Variants in CAPN14 observed in about 807,000 individuals in gnomAD.
CAPN14 encodes calpain 14.
In CAPN14, 94 loss-of-function variants were observed where a neutral mutation model predicts 101.3. The ratio of observed to expected loss-of-function variants is 0.93; its 90% CI spans 0.79 to 1.10. The LOEUF (loss-of-function observed/expected upper bound fraction) is 1.10, where lower values mean the gene tolerates loss of function less well. Among genes scored for constraint, CAPN14 ranks in the 50% least tolerant of loss-of-function variants. The probability of loss-of-function intolerance (pLI) is 0.00; values close to 1 mark genes in which losing one functional copy is unlikely to be tolerated. For synonymous variants in CAPN14, 338 were observed against 317.9 expected (o/e 1.06, Z -0.67); for missense variants, 837 against 828.4 (o/e 1.01, Z -0.13).
At position 31,193,207 on chromosome 2, in the gene CAPN14, C is replaced by T. The variant is rs1015423457; in HGVS notation, c.1038G>A (p.Gln346=). 2 of 1,551,608 alleles carry T rather than the reference C, an allele frequency of 1.3e-6. No individual in the cohort carries two copies. Among genetic ancestry groups the T allele is most frequent in the Admixed American group, 3.9e-5 (2 of 50,998 alleles). ...CCTCCCGCATGGTGTACGTCCACTT[C>T]TGGGCCGCCTCCTGGCTCAACAGGC... ...TPGLLSQEAA[Q]KWTYTMREGR... Residue 346 remains glutamine (Q), a synonymous_variant, in exon 10 of 22, where the codon CAG becomes CAA. Transcript: ENST00000403897.
chr2:31,189,139 T>C (rs1681052294), intron 13 of CAPN14, 134 bp downstream of exon 13: 2 of 751,214 alleles, frequency 2.7e-6, no homozygotes. Flanking sequence ...GAAAGTCACC[T>C]GGTCTCCTGC....
chr2:31,191,859 G>C (rs1033723856), intron 11 of CAPN14, 76 bp downstream of exon 11: 1 of 1,345,834 alleles, frequency 7.4e-7, no homozygotes, highest in African/African-American at 1.5e-5. Flanking sequence ...AAGAAGACAG[G>C]AAACAGGAAG....
intron 17 of CAPN14, 109 bp downstream of exon 17, chr2:31,180,827 A>G: frequency 1.1e-6 from 1 of 913,014 alleles, no homozygotes. Flanking sequence ...CTTGTCCAGG[A>G]TCCCACAATT....
intron 2 of CAPN14, among the ~76,000 whole-genome samples, chr2:31,203,698 G>T (rs1430391444): frequency 6.6e-6 from 1 of 152,166 alleles, no homozygotes; most frequent in Non-Finnish European, 1.5e-5. Context: ...TCTGAGAGAA[G>T]TAGGATCTTG....
chr2:31,229,868 A>G lies in CAPN14; in HGVS notation c.-176-3217T>C, dbSNP rs567817410. ...TAAAAACTTCAATGCACACATATGC[A>G]TCCATGAACAACAGATAGTGGTTTT... On this transcript the variant is annotated intron_variant and NMD_transcript_variant, in intron 1 of 21. Transcript: ENST00000398824. Among the ~76,000 whole-genome samples, 19 of 152,274 alleles carry G rather than the reference A, an allele frequency of 1.2e-4. No homozygotes were observed. In the South Asian group the frequency reaches 3.7e-3, roughly 30 times the overall value.
intron 8 of CAPN14, among the ~76,000 whole-genome samples, chr2:31,195,976 G>A (rs1681451981): frequency 3.3e-5 from 5 of 152,122 alleles, no homozygotes. Context: ...GTAGAAATGA[G>A]AGAGATGATA....
rs1680331438 is a variant in CAPN14, at chr2:31,177,017, C to T, written c.1972+9G>A. 6.5e-7 allele frequency: 1 copy of T among 1,546,124 alleles called. No individual in the cohort carries two copies. The highest frequency in any genetic ancestry group is 8.8e-7 in the Non-Finnish European group (1 of 1,142,410). On this transcript the variant is annotated intron_variant, in intron 20 of 21. Transcript: ENST00000403897. The stretch of plus-strand genomic sequence containing the variant: ...AGACCTGGCCCTCCCCAGCTTCCCG[C>T]CAGCTTACCCTCCATGTTCTCTACA...
At chr2:31,194,601 C>G (rs1302256268) in intron 8 of CAPN14, 118 bp from the exon 9 acceptor site, 1 of 699,574 alleles carries the variant, frequency 1.4e-6, no homozygotes, top group African/African-American at 1.8e-5. Context: ...AACTAAATTT[C>G]CCATTCCATA....
Position 31,186,462 on chromosome 2 carries a change from T to C in CAPN14, c.1611A>G (p.Gln537=), listed in dbSNP as rs371139161. 1,197 of 1,549,760 alleles carry C rather than the reference T, an allele frequency of 7.7e-4. 4 individuals are homozygous for C. The highest frequency in any genetic ancestry group is 9.6e-4 in the Non-Finnish European group (1,101 of 1,146,320). The change falls in exon 16 of 22, where the codon CAA becomes CAG. Residue 537 remains glutamine (Q), a synonymous_variant. Transcript: ENST00000403897. The part of the protein sequence containing the change: ...FEKHPEINAV[Q]LQNLLNQMTW... The stretch of plus-strand genomic sequence containing the variant: ...TCATCTGGTTCAGGAGGTTCTGAAG[T>C]TGAACTGCATTAATCTCTGGATGCT...
chr2:31,200,897 C>A (rs2148689446), intron 5 of CAPN14, among the ~76,000 whole-genome samples: 1 of 152,280 alleles, frequency 6.6e-6, no homozygotes, highest in African/African-American at 2.4e-5. Context: ...CAGACGTTTG[C>A]CTGAGAACTT....
chr2:31,199,135 G>C (rs932670115), intron 7 of CAPN14, among the ~76,000 whole-genome samples: 1 of 152,206 alleles, frequency 6.6e-6, no homozygotes, highest in Admixed American at 6.5e-5. Context: ...GTGTCAGAGA[G>C]GAGTAGAAAT....
chr2:31,219,968 C>T (rs1001305484), upstream of CAPN14, among the ~76,000 whole-genome samples: 2 of 152,194 alleles, frequency 1.3e-5, no homozygotes, highest in Admixed American at 6.5e-5. Flanking sequence ...TCTGCCTCTC[C>T]CACAAACCTA....
intron 1 of CAPN14, among the ~76,000 whole-genome samples, chr2:31,210,101 T>C (rs78675427): frequency 0.044 from 6,647 of 152,236 alleles, 160 homozygotes; most frequent in African/African-American, 0.059. Flanking sequence ...AGTGAAAACA[T>C]TGACTCTCAC....
At chr2:31,202,326 A>C in intron 3 of CAPN14, 74 bp from the exon 4 acceptor site, 1 of 1,106,670 alleles carries the variant, frequency 9.0e-7, no homozygotes, top group Non-Finnish European at 1.3e-6. Flanking sequence ...CCCGGTCCCA[A>C]TGGCCACCCT....
chr2:31,220,102 T>C (rs1487979396), upstream of CAPN14, among the ~76,000 whole-genome samples: 1 of 152,200 alleles, frequency 6.6e-6, no homozygotes. Flanking sequence ...TCCAAGTCCT[T>C]AACCTCACCA....
Position 31,180,018 on chromosome 2 carries a change from A to AT in CAPN14, c.1710+917dup, listed in dbSNP as rs987821973. Among the ~76,000 whole-genome samples, 3 of 152,268 alleles carry AT rather than the reference A, an allele frequency of 2.0e-5. No homozygotes were observed. In the East Asian group the frequency reaches 5.8e-4, roughly 29 times the overall value. ...CACAGTGGCTAATGATGCCTTTTAC[A>AT]TTTTTTTAAGTTTAATGGTTGGCTT... is the stretch of plus-strand genomic sequence containing the variant. On this transcript the variant is annotated intron_variant, in intron 17 of 21. Transcript: ENST00000403897.
At chr2:31,214,134 T>C (rs564465230) in intron 1 of CAPN14, among the ~76,000 whole-genome samples, 1 of 152,344 alleles carries the variant, frequency 6.6e-6, no homozygotes, top group East Asian at 1.9e-4. Flanking sequence ...ATTCATGATA[T>C]AGTCACATAA....
chr2:31,191,494 C>G (rs1286584229), intron 11 of CAPN14, 87 bp from the exon 12 acceptor site: 1 of 1,339,300 alleles, frequency 7.5e-7, no homozygotes, highest in Non-Finnish European at 1.0e-6. Context: ...TTTCATAAAC[C>G]GAAACCCGAA....
At chr2:31,200,788 T>A (rs572667788) in intron 5 of CAPN14, among the ~76,000 whole-genome samples, 163 bp from the exon 6 acceptor site, 1 of 152,298 alleles carries the variant, frequency 6.6e-6, no homozygotes, top group African/African-American at 2.4e-5. Flanking sequence ...CCATCCTGAA[T>A]GGCTCCAGCT....
Sources: gnomAD v4.1 joint callset for allele counts (sites outside exome capture counted in the v4.1 genomes callset) on GRCh38, gnomAD v4.1.1 for gene constraint, MANE v1.5 for transcripts, NCBI Gene and HGNC (gene_info 2026-07-23, HGNC 2026-07-21) for gene names.